Variants in DOCK1 observed in about 807,000 individuals in gnomAD.
DOCK1 encodes the protein dedicator of cytokinesis 1, also known as dedicator of cytokinesis protein 1.
Under a neutral mutation model 262.7 loss-of-function variants are expected in DOCK1, and 138 were observed. That is an observed-to-expected ratio of 0.53 (90% CI 0.46 to 0.61). The LOEUF (loss-of-function observed/expected upper bound fraction) is 0.61. DOCK1 is among the 20% of genes least tolerant of loss of function. The pLI, the probability that DOCK1 is intolerant of heterozygous loss-of-function variation, is 0.00. For synonymous variants in DOCK1, 866 were observed against 867.4 expected, an observed-to-expected ratio of 1.00 and a Z score of 0.03; for missense variants, 1,908 against 2,370.7, an observed-to-expected ratio of 0.80 and a Z score of 4.05.
intron 31 of DOCK1, among the ~76,000 whole-genome samples, chr10:127,347,821 C>G (rs1252074698): frequency 8.2e-6 from 1 of 122,626 alleles, no homozygotes; most frequent in Non-Finnish European, 1.7e-5. Flanking sequence ...GGGAGCATCC[C>G]CAACCCCTCA....
chr10:127,315,152 G>T (rs1709268695), intron 29 of DOCK1, among the ~76,000 whole-genome samples: 1 of 152,182 alleles, frequency 6.6e-6, no homozygotes, highest in Non-Finnish European at 1.5e-5. Context: ...GCGGAGAGCT[G>T]CCCCCTCCTC....
At chr10:127,054,398 G>T (rs2044988851) in intron 22 of DOCK1, among the ~76,000 whole-genome samples, 1 of 152,148 alleles carries the variant, frequency 6.6e-6, no homozygotes. Flanking sequence ...AATATGGCAT[G>T]TTTGAGGGCA....
chr10:127,042,534 A>C, intron 19 of DOCK1, 91 bp from the exon 20 acceptor site: 1 of 1,147,288 alleles, frequency 8.7e-7, no homozygotes, highest in Admixed American at 1.7e-5. Flanking sequence ...CAAAGTGGGT[A>C]TTTGGAGTAC....
chr10:127,447,165 T>C (rs1314876726), intron 50 of DOCK1, among the ~76,000 whole-genome samples: 1 of 152,158 alleles, frequency 6.6e-6, no homozygotes, highest in Non-Finnish European at 1.5e-5. Flanking sequence ...AGTTTTAGTG[T>C]TCGTGTGATA....
At chr10:127,296,874 G>T (rs920067105) in intron 29 of DOCK1, among the ~76,000 whole-genome samples, 2 of 152,196 alleles carry the variant, frequency 1.3e-5, no homozygotes, top group African/African-American at 2.4e-5. Flanking sequence ...CTAAAGAGCC[G>T]CTCAGCCACG....
At chr10:127,091,508 G>A (rs1564796229) in intron 23 of DOCK1, among the ~76,000 whole-genome samples, 1 of 151,914 alleles carries the variant, frequency 6.6e-6, no homozygotes, top group Non-Finnish European at 1.5e-5. Context: ...TATCTTTCAC[G>A]TTTTCAGATC....
intron 21 of DOCK1, among the ~76,000 whole-genome samples, chr10:127,050,591 G>T (rs2135720673): frequency 6.6e-6 from 1 of 152,052 alleles, no homozygotes; most frequent in African/African-American, 2.4e-5. Context: ...TGCATCTGTA[G>T]CTGTGTGGGA....
chr10:127,341,996 G>A (rs528038453), intron 30 of DOCK1, among the ~76,000 whole-genome samples: 2 of 152,308 alleles, frequency 1.3e-5, no homozygotes, highest in South Asian at 4.1e-4. Flanking sequence ...CTGGTCCTAT[G>A]TAGGAAAAGA....
At chr10:127,261,532 C>G (rs2060117018) in intron 29 of DOCK1, among the ~76,000 whole-genome samples, 1 of 101,794 alleles carries the variant, frequency 9.8e-6, no homozygotes, top group African/African-American at 4.0e-5. Context: ...CATGTGTGTG[C>G]ATGTGGGTGT....
intron 12 of DOCK1, among the ~76,000 whole-genome samples, chr10:127,016,333 T>C (rs1307674555): frequency 5.3e-5 from 8 of 152,146 alleles, no homozygotes; most frequent in Admixed American, 5.2e-4. Flanking sequence ...GACTTTTGAC[T>C]TCTCAGCTCC....
At chr10:127,278,839 A>T (rs1200397809) in intron 29 of DOCK1, among the ~76,000 whole-genome samples, 2 of 152,370 alleles carry the variant, frequency 1.3e-5, no homozygotes, top group Middle Eastern at 3.4e-3. Context: ...GCAGGGGATC[A>T]GAGTGACAGT....
chr10:127,037,954 T>C (rs2043759453), intron 19 of DOCK1, 138 bp downstream of exon 19: 1 of 708,802 alleles, frequency 1.4e-6, no homozygotes. Context: ...GACATAGGGA[T>C]TGGGTGCGGT....
chr10:127,039,059 T>G (rs2043846798), intron 19 of DOCK1, among the ~76,000 whole-genome samples: 1 of 152,196 alleles, frequency 6.6e-6, no homozygotes, highest in Non-Finnish European at 1.5e-5. Flanking sequence ...CTGTAAAAAC[T>G]AATTACTTAA....
chr10:127,007,892 C>T (rs989192850), intron 10 of DOCK1, among the ~76,000 whole-genome samples: 9 of 152,106 alleles, frequency 5.9e-5, no homozygotes, highest in African/African-American at 1.7e-4. Flanking sequence ...CTTGAAAGAG[C>T]GTCCACAGAT....
At chr10:127,087,218 A>G (rs2047249925) in intron 23 of DOCK1, among the ~76,000 whole-genome samples, 1 of 152,218 alleles carries the variant, frequency 6.6e-6, no homozygotes, top group Admixed American at 6.5e-5. Context: ...AATTCAAACT[A>G]TACTTGGCAA....
intron 30 of DOCK1, among the ~76,000 whole-genome samples, chr10:127,342,585 A>G (rs568966543): frequency 1.8e-4 from 27 of 152,340 alleles, no homozygotes; most frequent in African/African-American, 6.3e-4. Flanking sequence ...CTTTTCTCAA[A>G]TCCTACAAAT....
intron 27 of DOCK1, among the ~76,000 whole-genome samples, chr10:127,131,161 A>C (rs1017022570): frequency 6.6e-6 from 1 of 152,158 alleles, no homozygotes; most frequent in African/African-American, 2.4e-5. Flanking sequence ...GCGAGGACCC[A>C]TGCTTGGTCT....
At chr10:127,364,165 T>C (rs2064760048) in intron 33 of DOCK1, among the ~76,000 whole-genome samples, 2 of 152,092 alleles carry the variant, frequency 1.3e-5, no homozygotes, top group South Asian at 4.1e-4. Flanking sequence ...CATACAAACC[T>C]GGGCATGGCC....
At chr10:127,047,836 A>G (rs2044449915) in intron 21 of DOCK1, among the ~76,000 whole-genome samples, 1 of 152,188 alleles carries the variant, frequency 6.6e-6, no homozygotes, top group South Asian at 2.1e-4. Context: ...GCATCATTAA[A>G]TATTTGATTT....
Sources: allele counts gnomAD v4.1 joint callset (sites outside exome capture counted in the v4.1 genomes callset), GRCh38; gene constraint gnomAD v4.1.1; transcripts MANE v1.5; gene names NCBI Gene and HGNC (gene_info 2026-07-23, HGNC 2026-07-21).